CARMIL1: variants seen among roughly 807,000 people sequenced by gnomAD.
The protein encoded by CARMIL1 is F-actin-uncapping protein LRRC16A.
Under a neutral mutation model 177.1 loss-of-function variants are expected in CARMIL1, and 90 were observed. The ratio of observed to expected loss-of-function variants is 0.51; its 90% CI spans 0.43 to 0.61. The LOEUF (loss-of-function observed/expected upper bound fraction) is 0.61, where lower values mean the gene tolerates loss of function less well. Among genes scored for constraint, CARMIL1 ranks in the 20% least tolerant of loss-of-function variants. The pLI, the probability that CARMIL1 is intolerant of heterozygous loss-of-function variation, is 0.00. For missense variants in CARMIL1, 1,380 were observed against 1,667.0 expected (o/e 0.83, Z 3.00); for synonymous variants, 577 against 606.2 (o/e 0.95, Z 0.71).
Position 25,367,978 on chromosome 6 carries a change from A to C in CARMIL1, c.139-52136A>C, listed in dbSNP as rs183316705. ...TTTCCCCATGTTGGCCAGGCTGGTC[A>C]CAAACTCCTGACCTCAAGTGATCTG... On this transcript the variant is annotated intron_variant, in intron 2 of 36. Coordinates refer to ENST00000329474, the MANE Select transcript of CARMIL1 (RefSeq NM_017640.6). 4.1e-4 allele frequency among the ~76,000 whole-genome samples: 62 copies of C among 152,280 alleles called. No homozygotes were observed. The South Asian group carries it at 6.4e-3, about 16-fold the overall frequency.
chr6:25,487,010 G>T (rs1334515345), intron 12 of CARMIL1, among the ~76,000 whole-genome samples: 4 of 151,938 alleles, frequency 2.6e-5, no homozygotes, highest in African/African-American at 9.7e-5. Context: ...TCAGTAAATG[G>T]TGAGTTGACA....
intron 23 of CARMIL1, among the ~76,000 whole-genome samples, chr6:25,525,879 A>T (rs1053830682): frequency 6.6e-6 from 1 of 152,216 alleles, no homozygotes; most frequent in Non-Finnish European, 1.5e-5. Context: ...AAAACCAGAG[A>T]CAGTAGCAAA....
intron 13 of CARMIL1, among the ~76,000 whole-genome samples, chr6:25,491,486 C>A (rs1803232013): frequency 1.3e-5 from 2 of 152,108 alleles, no homozygotes; most frequent in African/African-American, 4.8e-5. Context: ...TCATGCATAA[C>A]AAAATGGGGG....
intron 28 of CARMIL1, among the ~76,000 whole-genome samples, chr6:25,555,023 A>T (rs1348979492): frequency 2.0e-5 from 3 of 152,224 alleles, no homozygotes; most frequent in African/African-American, 7.2e-5. Flanking sequence ...CTCTAATAGC[A>T]CAATTCAAAT....
chr6:25,508,110 T>A (rs540688574), intron 17 of CARMIL1, among the ~76,000 whole-genome samples: 1 of 152,308 alleles, frequency 6.6e-6, no homozygotes, highest in African/African-American at 2.4e-5. Context: ...ATTTCTGTAC[T>A]TATTCATCTC....
chr6:25,563,776 T>C (rs1811334178), intron 29 of CARMIL1: 1 of 985,444 alleles, frequency 1.0e-6, no homozygotes, highest in African/African-American at 1.7e-5. Flanking sequence ...AAGGTAGTTT[T>C]GGTGGATCAC....
At chr6:25,432,112 A>G (rs769520342) in intron 4 of CARMIL1, among the ~76,000 whole-genome samples, 2 of 152,184 alleles carry the variant, frequency 1.3e-5, no homozygotes, top group East Asian at 1.9e-4. Flanking sequence ...TTACAGTTCT[A>G]TACATCCGCG....
At chr6:25,446,688 A>AT (rs1412323376) in intron 5 of CARMIL1, among the ~76,000 whole-genome samples, 14 of 152,198 alleles carry the variant, frequency 9.2e-5, no homozygotes, top group African/African-American at 2.4e-4. Context: ...AATTTTGCTA[A>AT]TTTTTTTGTT....
At chr6:25,316,970 C>A (rs758545319) in intron 2 of CARMIL1, among the ~76,000 whole-genome samples, 1 of 151,998 alleles carries the variant, frequency 6.6e-6, no homozygotes, top group Non-Finnish European at 1.5e-5. Flanking sequence ...AGCATTAGGC[C>A]CTTAGTTTTT....
intron 2 of CARMIL1, among the ~76,000 whole-genome samples, chr6:25,416,261 A>G (rs1795348991): frequency 6.6e-6 from 1 of 151,978 alleles, no homozygotes; most frequent in South Asian, 2.1e-4. Context: ...CTATGTTTCC[A>G]TGTGTGTGGA....
At chr6:25,369,395 TTTA>T (rs1790188605) in intron 2 of CARMIL1, among the ~76,000 whole-genome samples, 1 of 143,182 alleles carries the variant, frequency 7.0e-6, no homozygotes, top group Non-Finnish European at 1.6e-5. Flanking sequence ...TTTTTTTTTT[TTTA>T]AAGCTAGTCC....
chr6:25,445,119 G>A (rs1798105491), intron 5 of CARMIL1, among the ~76,000 whole-genome samples: 6 of 152,188 alleles, frequency 3.9e-5, no homozygotes, highest in Admixed American at 3.9e-4. Context: ...TTTCTCTGAT[G>A]ACCAGCATGT....
At chr6:25,402,792 A>G (rs1025962133) in intron 2 of CARMIL1, among the ~76,000 whole-genome samples, 1 of 152,220 alleles carries the variant, frequency 6.6e-6, no homozygotes, top group Non-Finnish European at 1.5e-5. Context: ...AGAGAACACT[A>G]TTCTAGGGGA....
intron 2 of CARMIL1, among the ~76,000 whole-genome samples, chr6:25,342,762 C>G (rs188357067): frequency 2.6e-5 from 4 of 152,126 alleles, no homozygotes; most frequent in Admixed American, 2.6e-4. Flanking sequence ...TTTATACTGT[C>G]TAGGGTATTT....
intron 2 of CARMIL1, among the ~76,000 whole-genome samples, chr6:25,331,009 A>G (rs7769912): frequency 0.11 from 16,699 of 151,468 alleles, 983 homozygotes; most frequent in Middle Eastern, 0.17. Context: ...GAAAGAAGAA[A>G]TTTGTTTGCT....
chr6:25,477,210 C>T, intron 11 of CARMIL1, among the ~76,000 whole-genome samples: 1 of 151,688 alleles, frequency 6.6e-6, no homozygotes, highest in East Asian at 1.9e-4. Flanking sequence ...GGTTTTGTAC[C>T]TAAACCTTCC....
At chr6:25,449,241 G>A (rs570459125) in intron 5 of CARMIL1, among the ~76,000 whole-genome samples, 1 of 152,142 alleles carries the variant, frequency 6.6e-6, no homozygotes, top group African/African-American at 2.4e-5. Context: ...TAACCCTATG[G>A]GATAACATCT....
intron 13 of CARMIL1, among the ~76,000 whole-genome samples, chr6:25,489,347 G>T (rs1203928987): frequency 6.6e-6 from 1 of 152,162 alleles, no homozygotes. Context: ...CGTCTATTCC[G>T]TGAATAAAAT....
chr6:25,339,329 C>G (rs990195511), intron 2 of CARMIL1, among the ~76,000 whole-genome samples: 1 of 152,216 alleles, frequency 6.6e-6, no homozygotes, highest in Non-Finnish European at 1.5e-5. Flanking sequence ...ATTAGATTTT[C>G]CCTATTTTCT....
Sources: allele counts gnomAD v4.1 joint callset (sites outside exome capture counted in the v4.1 genomes callset), GRCh38; gene constraint gnomAD v4.1.1; transcripts MANE v1.5; gene names NCBI Gene and HGNC (gene_info 2026-07-23, HGNC 2026-07-21).